CFAP20DC: variants seen among roughly 807,000 people sequenced by gnomAD.
CFAP20DC encodes protein CFAP20DC.
A neutral mutation model predicts 101.7 loss-of-function variants in CFAP20DC; 84 were observed. The ratio of observed to expected loss-of-function variants is 0.83; its 90% CI spans 0.69 to 0.99. CFAP20DC has a LOEUF of 0.99. CFAP20DC is among the 50% of genes least tolerant of loss of function. CFAP20DC has a pLI of 0.00. For missense variants in CFAP20DC, 1,007 were observed against 970.3 expected (o/e 1.04, Z -0.50); for synonymous variants, 359 against 351.2 (o/e 1.02, Z -0.25).
chr3:58,791,915 A>C (rs1278950915), intron 15 of CFAP20DC, among the ~76,000 whole-genome samples: 2 of 152,192 alleles, frequency 1.3e-5, no homozygotes, highest in Non-Finnish European at 2.9e-5. Context: ...TTAGTTGGCT[A>C]GAATTAGTTG....
chr3:58,783,956 G>A (rs529572920), intron 15 of CFAP20DC, among the ~76,000 whole-genome samples: 1 of 152,140 alleles, frequency 6.6e-6, no homozygotes, highest in East Asian at 1.9e-4. Flanking sequence ...CCATTATGCA[G>A]GTACTGAGCA....
At chr3:58,832,752 T>C (rs1016404033) in intron 13 of CFAP20DC, among the ~76,000 whole-genome samples, 4 of 152,324 alleles carry the variant, frequency 2.6e-5, no homozygotes, top group African/African-American at 9.6e-5. Context: ...CTAGTATAAA[T>C]ATTATTTCAT....
At chr3:58,934,084 G>A (rs998628454) in intron 5 of CFAP20DC, among the ~76,000 whole-genome samples, 1 of 152,186 alleles carries the variant, frequency 6.6e-6, no homozygotes, top group African/African-American at 2.4e-5. Context: ...AAATGATAAA[G>A]GGGATATCAC....
intron 4 of CFAP20DC, among the ~76,000 whole-genome samples, chr3:58,941,492 T>G (rs1473354196): frequency 6.6e-6 from 1 of 152,132 alleles, no homozygotes; most frequent in Admixed American, 6.5e-5. Flanking sequence ...TCCTGAGGAT[T>G]TTATACATAA....
Position 58,761,474 on chromosome 3 carries a change from C to T in CFAP20DC, c.2238-7611G>A, listed in dbSNP as rs536956675. 3.0e-3 allele frequency among the ~76,000 whole-genome samples: 454 copies of T among 152,058 alleles called. 1 individual carries two copies. The highest frequency in any genetic ancestry group is 9.8e-3 in the African/African-American group (408 of 41,496). On this transcript the variant is annotated intron_variant, in intron 15 of 16. Coordinates refer to ENST00000482387, the MANE Select transcript of CFAP20DC (RefSeq NM_001394063.1). ...GTGGTCTATCAATTTTGTTGATCTTCTCAAAAAACCAGCTCCTGGATTCAT... is the reference window on the plus strand; with the variant it reads ...GTGGTCTATCAATTTTGTTGATCTTTTCAAAAAACCAGCTCCTGGATTCAT...
chr3:58,828,968 A>G (rs1208647157), intron 14 of CFAP20DC, among the ~76,000 whole-genome samples: 1 of 152,144 alleles, frequency 6.6e-6, no homozygotes, highest in Non-Finnish European at 1.5e-5. Flanking sequence ...GAAGCGGGAG[A>G]AATGAAGATG....
chr3:59,009,139 G>A (rs1016204287), intron 4 of CFAP20DC, among the ~76,000 whole-genome samples: 1 of 152,012 alleles, frequency 6.6e-6, no homozygotes, highest in Non-Finnish European at 1.5e-5. Context: ...TGGTCCTTAG[G>A]AGAGGAAAAA....
intron 6 of CFAP20DC, among the ~76,000 whole-genome samples, chr3:58,909,402 G>A (rs968982562): frequency 4.6e-5 from 7 of 151,856 alleles, no homozygotes; most frequent in African/African-American, 1.7e-4. Context: ...ACAACTTTTT[G>A]TTTTTCTTGA....
chr3:58,838,446 G>C (rs1009812415), intron 13 of CFAP20DC, among the ~76,000 whole-genome samples: 1 of 152,142 alleles, frequency 6.6e-6, no homozygotes, highest in African/African-American at 2.4e-5. Context: ...CATTAACTAT[G>C]CACACCACTC....
chr3:58,848,391 T>C, intron 13 of CFAP20DC, among the ~76,000 whole-genome samples: 1 of 152,172 alleles, frequency 6.6e-6, no homozygotes, highest in East Asian at 1.9e-4. Context: ...TTAAATGTTT[T>C]AAAAAATGGA....
At position 58,854,723 on chromosome 3, in the gene CFAP20DC, C is replaced by T. The variant is rs2078603328; in HGVS notation, c.1594-5314G>A. ...TGATCTTTGACAAACCTGAGAAAAA[C>T]AAGCAATGGGGAAAGGATTCTCTAT... On this transcript the variant is annotated intron_variant, in intron 12 of 16. Transcript: ENST00000482387. Among the ~76,000 whole-genome samples the T allele has an allele frequency of 2.0e-5, 3 of 151,704 alleles. No individual in the cohort carries two copies. The South Asian group carries it at 6.3e-4, about 32-fold the overall frequency.
chr3:58,798,865 T>C (rs2073453088), intron 15 of CFAP20DC, among the ~76,000 whole-genome samples: 2 of 147,516 alleles, frequency 1.4e-5, no homozygotes, highest in Non-Finnish European at 3.1e-5. Flanking sequence ...TTGTTAGCAG[T>C]TTTTTAGCAA....
At chr3:58,720,899 G>A (rs2067464012) in intron 3 of CFAP20DC, among the ~76,000 whole-genome samples, 1 of 152,230 alleles carries the variant, frequency 6.6e-6, no homozygotes, top group African/African-American at 2.4e-5. Flanking sequence ...GTAATTATTT[G>A]TTCCTATAAC....
intron 14 of CFAP20DC, among the ~76,000 whole-genome samples, chr3:58,814,131 C>T (rs1246494822): frequency 6.6e-6 from 1 of 151,832 alleles, no homozygotes; most frequent in Non-Finnish European, 1.5e-5. Context: ...AGAGGCATTT[C>T]CATGACTCTC....
intron 6 of CFAP20DC, among the ~76,000 whole-genome samples, chr3:58,890,833 C>T (rs899874678): frequency 4.0e-5 from 6 of 149,416 alleles, no homozygotes; most frequent in East Asian, 2.0e-4. Context: ...GATGGGCCGC[C>T]GGGCAGAGAC....
intron 7 of CFAP20DC, among the ~76,000 whole-genome samples, chr3:58,875,299 T>C (rs1312705544): frequency 6.6e-6 from 1 of 152,190 alleles, no homozygotes; most frequent in African/African-American, 2.4e-5. Flanking sequence ...TCTCTCACGA[T>C]TGACAATAGG....
At chr3:58,967,411 C>A (rs1023863786) in intron 4 of CFAP20DC, among the ~76,000 whole-genome samples, 1 of 152,098 alleles carries the variant, frequency 6.6e-6, no homozygotes, top group African/African-American at 2.4e-5. Context: ...CTATACATCT[C>A]TTAGAATAAA....
chr3:59,023,573 T>C (rs1249565662), intron 4 of CFAP20DC, among the ~76,000 whole-genome samples: 39 of 151,828 alleles, frequency 2.6e-4, no homozygotes, highest in Non-Finnish European at 2.9e-5. Context: ...GTGGAATGAA[T>C]TATGGAGAGA....
At chr3:58,867,977 T>G (rs2079835059) in intron 9 of CFAP20DC, 41 bp from the exon 10 acceptor site, 1 of 1,553,900 alleles carries the variant, frequency 6.4e-7, no homozygotes, top group Non-Finnish European at 8.7e-7. Context: ...GAACAGAAAG[T>G]GCTATATGGC....
Sources: gnomAD v4.1 joint callset for allele counts (sites outside exome capture counted in the v4.1 genomes callset) on GRCh38, gnomAD v4.1.1 for gene constraint, MANE v1.5 for transcripts, NCBI Gene and HGNC (gene_info 2026-07-23, HGNC 2026-07-21) for gene names.